Variants in ZPBP observed in about 807,000 individuals in gnomAD.
ZPBP encodes zona pellucida binding protein.
A neutral mutation model predicts 44.8 loss-of-function variants in ZPBP; 26 were observed. That is an observed-to-expected ratio of 0.58 (90% confidence interval 0.43 to 0.81). The LOEUF (loss-of-function observed/expected upper bound fraction) is 0.81. Among genes scored for constraint, ZPBP ranks in the 30% least tolerant of loss-of-function variants. The probability of loss-of-function intolerance (pLI) is 0.00; values close to 1 mark genes in which losing one functional copy is unlikely to be tolerated. For synonymous variants in ZPBP, 174 were observed against 153.2 expected, an observed-to-expected ratio of 1.14 and a Z score of -1.00; for missense variants, 409 against 434.0, an observed-to-expected ratio of 0.94 and a Z score of 0.51.
chr7:49,971,423 A>G (rs1796301370), intron 7 of ZPBP, among the ~76,000 whole-genome samples: 1 of 152,180 alleles, frequency 6.6e-6, no homozygotes, highest in South Asian at 2.1e-4. Context: ...TTTAAAAGTG[A>G]GGATATTACT....
chr7:50,001,965 C>CT (rs1798118736), intron 6 of ZPBP, among the ~76,000 whole-genome samples: 7 of 152,004 alleles, frequency 4.6e-5, no homozygotes, highest in Non-Finnish European at 1.0e-4. Context: ...AATGCAGTGG[C>CT]GCAACCGAGG....
chr7:50,033,231 G>A (rs1329190897), intron 4 of ZPBP, among the ~76,000 whole-genome samples: 1 of 151,888 alleles, frequency 6.6e-6, no homozygotes, highest in Admixed American at 6.6e-5. Flanking sequence ...TTTAATTTAT[G>A]GCAATATAGT....
At position 50,089,702 on chromosome 7, in the gene ZPBP, G is replaced by C; in HGVS notation, c.135C>G (p.His45Gln). Residue 45 changes from histidine (H) to glutamine (Q), a missense_variant, in exon 2 of 8, where the codon CAC becomes CAG. This residue lies in a region of ZPBP where 367 missense variants were observed against 363.1 expected (regional missense o/e 1.01). Transcript: ENST00000046087. ...GAAAAGCTCTTGGTAATCGAACCAAGTGTCCAACTATCAAAAAAAAAGATC... is the reference window on the plus strand; with the variant it reads ...GAAAAGCTCTTGGTAATCGAACCAACTGTCCAACTATCAAAAAAAAAGATC... ...FLVRVPSSVG[H>Q]LVRLPRAFRL... is the part of the protein sequence containing the mutation. The C allele has an allele frequency of 6.2e-7, 1 of 1,609,728 alleles. No individual in the cohort carries two copies. The highest frequency in any genetic ancestry group is 8.5e-7 in the Non-Finnish European group (1 of 1,177,450).
chr7:49,948,039 C>A (rs1400246986), intron 7 of ZPBP, among the ~76,000 whole-genome samples: 2 of 152,190 alleles, frequency 1.3e-5, no homozygotes, highest in Non-Finnish European at 2.9e-5. Context: ...GCCCAAAGGC[C>A]CTTCAGTCAG....
At chr7:50,082,120 T>C (rs1365463184) in intron 2 of ZPBP, among the ~76,000 whole-genome samples, 1 of 151,922 alleles carries the variant, frequency 6.6e-6, no homozygotes, top group African/African-American at 2.4e-5. Flanking sequence ...TATGTGTGTG[T>C]ACATGTATCC....
chr7:50,069,769 G>C (rs1467637279), intron 3 of ZPBP, among the ~76,000 whole-genome samples: 1 of 151,918 alleles, frequency 6.6e-6, no homozygotes, highest in African/African-American at 2.4e-5. Flanking sequence ...CCACCAGACG[G>C]GGTCCTATTA....
At chr7:50,020,630 C>T (rs959859403) in intron 5 of ZPBP, among the ~76,000 whole-genome samples, 1 of 151,974 alleles carries the variant, frequency 6.6e-6, no homozygotes, top group African/African-American at 2.4e-5. Flanking sequence ...AATCACCTAG[C>T]TTTTTGTAAG....
In ZPBP at chr7:50,089,500, C is replaced by T. The variant is rs1408043500; in HGVS notation, c.208+129G>A. The T allele has an allele frequency of 8.5e-6, 6 of 704,314 alleles. No homozygotes were observed. The African/African-American group carries it at 1.1e-4, about 13-fold the overall frequency. 43.6% of individuals were successfully genotyped at this position (704,314 alleles called of 1,614,324 possible). On this transcript the variant is annotated intron_variant, in intron 2 of 7. Coordinates refer to ENST00000046087, the MANE Select transcript of ZPBP (RefSeq NM_007009.3). ...ACCATATGCAAACAACTTTAATCCACTTCTGTAGAAAGAAAAGGGCCTTAG... is the reference window on the plus strand; with the variant it reads ...ACCATATGCAAACAACTTTAATCCATTTCTGTAGAAAGAAAAGGGCCTTAG...
In ZPBP at chr7:49,980,738, C is replaced by T. The variant is rs142507471; in HGVS notation, c.961+2604G>A. Among the ~76,000 whole-genome samples, 42 of 152,154 alleles carry T rather than the reference C, an allele frequency of 2.8e-4. 1 individual carries two copies. The East Asian group carries it at 4.2e-3, about 15-fold the overall frequency. On this transcript the variant is annotated intron_variant, in intron 7 of 7. Coordinates refer to ENST00000046087, the MANE Select transcript of ZPBP (RefSeq NM_007009.3). ...TCTATTCATGAGAGATCTGCTCCCA[C>T]GACCCGAACCTCTCCCACTACGCCT... is the stretch of plus-strand genomic sequence containing the variant.
At chr7:50,070,803 A>C (rs1801796445) in intron 3 of ZPBP, among the ~76,000 whole-genome samples, 1 of 152,188 alleles carries the variant, frequency 6.6e-6, no homozygotes, top group Admixed American at 6.5e-5. Context: ...ATTAATTGAG[A>C]CATGTATTAT....
chr7:49,923,736 C>A (rs985328032), intron 1 of ZPBP, among the ~76,000 whole-genome samples: 3 of 152,128 alleles, frequency 2.0e-5, no homozygotes, highest in African/African-American at 7.2e-5. Context: ...CTGAAGAATA[C>A]TCTTTAATAT....
chr7:49,911,796 C>T (rs911904536), intron 1 of ZPBP, among the ~76,000 whole-genome samples: 8 of 151,754 alleles, frequency 5.3e-5, no homozygotes, highest in African/African-American at 1.9e-4. Context: ...ACTTGAAAGG[C>T]TGAGGCAGGA....
intron 6 of ZPBP, among the ~76,000 whole-genome samples, chr7:50,009,779 T>G (rs6942817): frequency 0.8 from 120,837 of 151,952 alleles, 48,191 homozygotes; most frequent in East Asian, 0.87. Context: ...TAGAATAATT[T>G]AATATATCAA....
chr7:49,893,125 G>A (rs935180101), intron 2 of ZPBP, among the ~76,000 whole-genome samples: 9 of 152,306 alleles, frequency 5.9e-5, no homozygotes, highest in Middle Eastern at 3.4e-3. Flanking sequence ...TTGAGCATGA[G>A]AATACTTTAG....
intron 7 of ZPBP, among the ~76,000 whole-genome samples, chr7:49,973,123 TAATG>T (rs781717373): frequency 6.6e-5 from 10 of 151,954 alleles, no homozygotes; most frequent in Non-Finnish European, 1.5e-4. Context: ...TTAGAAAGCC[TAATG>T]ACACTGGGGG....
chr7:50,067,202 CT>C (rs904856131), intron 3 of ZPBP, among the ~76,000 whole-genome samples: 1 of 151,912 alleles, frequency 6.6e-6, no homozygotes, highest in African/African-American at 2.4e-5. Context: ...TTGCCTTTCC[CT>C]TTTTTTTAGC....
chr7:50,085,099 A>G (rs1205324978), intron 2 of ZPBP, among the ~76,000 whole-genome samples: 2 of 152,112 alleles, frequency 1.3e-5, no homozygotes, highest in Admixed American at 6.6e-5. Flanking sequence ...TGAAGTCATC[A>G]GGCTGAGTAC....
chr7:50,003,002 C>A (rs1798161610), intron 6 of ZPBP, among the ~76,000 whole-genome samples: 1 of 152,054 alleles, frequency 6.6e-6, no homozygotes, highest in African/African-American at 2.4e-5. Flanking sequence ...ATGTGTTATT[C>A]CAAAGCTAAA....
intron 7 of ZPBP, among the ~76,000 whole-genome samples, chr7:49,947,937 C>T (rs1255439771): frequency 1.3e-5 from 2 of 152,218 alleles, no homozygotes; most frequent in Non-Finnish European, 2.9e-5. Context: ...TCTTCACTCC[C>T]CTATTCTCAA....
Sources: allele counts gnomAD v4.1 joint callset (sites outside exome capture counted in the v4.1 genomes callset), GRCh38; gene constraint gnomAD v4.1.1; regional missense constraint gnomAD v4.1.1; transcripts MANE v1.5; gene names NCBI Gene and HGNC (gene_info 2026-07-23, HGNC 2026-07-21).